The following PKN2 variants were observed in gnomAD, a reference collection of about 807,000 sequenced individuals.
PKN2 encodes serine/threonine-protein kinase N2.
Under a neutral mutation model 119.1 loss-of-function variants are expected in PKN2, and 38 were observed. The ratio of observed to expected loss-of-function variants is 0.32; its 90% CI spans 0.25 to 0.42. PKN2 has a LOEUF of 0.42. Among genes scored for constraint, PKN2 ranks in the 10% least tolerant of loss-of-function variants. PKN2 has a pLI of 1.00. For missense variants in PKN2, 850 were observed against 1,165.1 expected, an observed-to-expected ratio of 0.73 and a Z score of 3.94; for synonymous variants, 390 against 384.9, an observed-to-expected ratio of 1.01 and a Z score of -0.15.
intron 1 of PKN2, among the ~76,000 whole-genome samples, chr1:88,723,526 A>G (rs1288445296): frequency 1.3e-5 from 2 of 151,794 alleles, no homozygotes; most frequent in Non-Finnish European, 2.9e-5. Flanking sequence ...GGTTCAAGCA[A>G]TTCTTGTGCT....
At chr1:88,811,335 C>T (rs1486551477) in intron 15 of PKN2, among the ~76,000 whole-genome samples, 1 of 152,106 alleles carries the variant, frequency 6.6e-6, no homozygotes, top group African/African-American at 2.4e-5. Context: ...ATGATGTTTT[C>T]CCCTGACTAA....
chr1:88,794,913 A>C (rs1435079753), intron 8 of PKN2, among the ~76,000 whole-genome samples: 1 of 152,158 alleles, frequency 6.6e-6, no homozygotes, highest in African/African-American at 2.4e-5. Flanking sequence ...AATAGCAAAT[A>C]ATTTCTATTC....
chr1:88,717,163 A>C (rs9729089), intron 1 of PKN2, among the ~76,000 whole-genome samples: 10,102 of 152,030 alleles, frequency 0.066, 671 homozygotes, highest in African/African-American at 0.18. Context: ...CCAAGAGATC[A>C]GCTGTTAGTC....
At chr1:88,824,272 T>A (rs1672410972) in intron 17 of PKN2, 38 bp from the exon 18 acceptor site, 2 of 634,978 alleles carry the variant, frequency 3.1e-6, no homozygotes, top group Non-Finnish European at 4.8e-6. Context: ...ATTTCTTTGA[T>A]TTTTTTTTTT....
intron 1 of PKN2, among the ~76,000 whole-genome samples, chr1:88,728,894 CT>C (rs397844615): frequency 2.8e-3 from 369 of 130,210 alleles, no homozygotes; most frequent in Admixed American, 2.8e-3. Context: ...ACATCCCCAT[CT>C]TTTTTTTTTT....
chr1:88,689,585 C>T (rs1570476860), intron 1 of PKN2, among the ~76,000 whole-genome samples: 1 of 152,060 alleles, frequency 6.6e-6, no homozygotes, highest in Admixed American at 6.5e-5. Context: ...CTGAGACAGG[C>T]GGATCACCTG....
chr1:88,778,132 G>C (rs1670181472), intron 6 of PKN2, among the ~76,000 whole-genome samples: 1 of 152,194 alleles, frequency 6.6e-6, no homozygotes, highest in Non-Finnish European at 1.5e-5. Context: ...TGTATTGATA[G>C]ATGGCTTATG....
chr1:88,731,644 A>G (rs1391973472), intron 1 of PKN2, among the ~76,000 whole-genome samples: 1 of 152,220 alleles, frequency 6.6e-6, no homozygotes, highest in African/African-American at 2.4e-5. Context: ...TAGTATATGA[A>G]TCATTGTATC....
chr1:88,684,729 C>T, intron 1 of PKN2, 101 bp downstream of exon 1: 2 of 1,038,264 alleles, frequency 1.9e-6, no homozygotes, highest in South Asian at 1.9e-5. Context: ...CGCCGCGCCC[C>T]TAGCCCGCTA....
intron 1 of PKN2, among the ~76,000 whole-genome samples, chr1:88,727,281 A>G (rs964268881): frequency 6.7e-6 from 1 of 148,592 alleles, no homozygotes; most frequent in Non-Finnish European, 1.5e-5. Flanking sequence ...TATCCTTTTT[A>G]GCCTACCTGT....
Position 88,684,460 on chromosome 1 carries a change from C to G in PKN2, c.-121C>G. On this transcript the variant is annotated 5_prime_UTR_variant, in exon 1 of 22. Coordinates refer to ENST00000370521, the MANE Select transcript of PKN2 (RefSeq NM_006256.4). ...AGCAGGGGCTGCGCCTCCATGAATC[C>G]CTAGTTGTTTTTTTTTTTTTCTTTC... 1 of 840,140 alleles carries G rather than the reference C, an allele frequency of 1.2e-6. No individual in the cohort carries two copies. 52.0% of individuals were successfully genotyped at this position (840,140 alleles called of 1,614,324 possible). A position where few individuals can be genotyped will look rare whatever the true frequency, so the allele number is the denominator to read the frequency against.
At chr1:88,761,432 CAG>C (rs997504365) in intron 3 of PKN2, among the ~76,000 whole-genome samples, 15 of 150,788 alleles carry the variant, frequency 9.9e-5, no homozygotes, top group Admixed American at 8.6e-4. Flanking sequence ...AATTTGAAAT[CAG>C]AGGGAAATAT....
intron 2 of PKN2, among the ~76,000 whole-genome samples, chr1:88,744,188 G>A (rs1301367286): frequency 6.6e-6 from 1 of 152,042 alleles, no homozygotes; most frequent in Non-Finnish European, 1.5e-5. Flanking sequence ...GCACACTAAG[G>A]TAATCCCATG....
intron 1 of PKN2, among the ~76,000 whole-genome samples, chr1:88,702,164 G>A (rs867929393): frequency 2.0e-5 from 3 of 152,126 alleles, no homozygotes; most frequent in Non-Finnish European, 4.4e-5. Flanking sequence ...TCACCATGTT[G>A]TCCAAGGTGG....
chr1:88,777,267 A>T (rs1670145332), intron 6 of PKN2, among the ~76,000 whole-genome samples: 1 of 151,958 alleles, frequency 6.6e-6, no homozygotes, highest in Non-Finnish European at 1.5e-5. Flanking sequence ...ATAATTTTTA[A>T]ATCCATATTG....
Position 88,722,156 on chromosome 1 carries a change from A to T in PKN2, c.49-18832A>T, listed in dbSNP as rs149351565. Among the ~76,000 whole-genome samples, 133 of 152,362 alleles carry T rather than the reference A, an allele frequency of 8.7e-4. 1 individual carries two copies. The highest frequency in any genetic ancestry group is 3.4e-3 in the Middle Eastern group (1 of 294). On this transcript the variant is annotated intron_variant, in intron 1 of 21. Transcript: ENST00000370521. The stretch of plus-strand genomic sequence containing the variant: ...GTAAAATTATTTCTGTTTCAAGCAC[A>T]TAAGATTATAAGAATGTGGAATGTG...
intron 16 of PKN2, chr1:88,815,420 A>G (rs1414398483): frequency 5.6e-6 from 2 of 354,240 alleles, no homozygotes; most frequent in Non-Finnish European, 1.1e-5. Context: ...AGTTCACTCT[A>G]TTTTCTGTAT....
Position 88,786,191 on chromosome 1 carries a change from A to G in PKN2, c.1259A>G (p.Lys420Arg), listed in dbSNP as rs1279115011. 1.3e-6 allele frequency: 2 copies of G among 1,597,158 alleles called. No individual in the cohort carries two copies. Among genetic ancestry groups the G allele is most frequent in the Admixed American group, 1.7e-5 (1 of 59,954 alleles). Reference sequence around the variant, plus strand: ...ATTTCCAATCAGTCATGGGACCAGAAGTTTACACTGGAACTGGACAGGGTA... The same window carrying G: ...ATTTCCAATCAGTCATGGGACCAGAGGTTTACACTGGAACTGGACAGGGTA... ...KPISNQSWDQ[K>R]FTLELDRSRE... is the part of the protein sequence containing the mutation. Residue 420 changes from lysine (K) to arginine (R), a missense_variant, in exon 8 of 22, where the codon AAG becomes AGG. Physicochemically the swap from Lys to Arg is conservative, Grantham distance 26 (BLOSUM62 2). Transcript: ENST00000370521.
chr1:88,737,012 T>C (rs1668374285), intron 1 of PKN2, among the ~76,000 whole-genome samples: 1 of 152,126 alleles, frequency 6.6e-6, no homozygotes, highest in Admixed American at 6.5e-5. Context: ...CAAAGCAACA[T>C]TGTGTACCTG....
Sources: gnomAD v4.1 joint callset for allele counts (sites outside exome capture counted in the v4.1 genomes callset) on GRCh38, gnomAD v4.1.1 for gene constraint, MANE v1.5 for transcripts, NCBI Gene and HGNC (gene_info 2026-07-23, HGNC 2026-07-21) for gene names.